FMNL2: variants seen among roughly 807,000 people sequenced by gnomAD.
The protein encoded by FMNL2 is formin like 2.
A neutral mutation model predicts 130.2 loss-of-function variants in FMNL2; 51 were observed. That is an observed-to-expected ratio of 0.39 (90% CI 0.31 to 0.49). The LOEUF is 0.49. Ranked by LOEUF, FMNL2 falls within the 20% of genes least tolerant of loss-of-function variation. FMNL2 has a pLI of 0.85. For missense variants in FMNL2, 977 were observed against 1,316.2 expected, an observed-to-expected ratio of 0.74 and a Z score of 3.99; for synonymous variants, 465 against 467.1, an observed-to-expected ratio of 1.00 and a Z score of 0.06.
intron 4 of FMNL2, among the ~76,000 whole-genome samples, chr2:152,551,994 T>A (rs1326965012): frequency 1.3e-5 from 2 of 152,234 alleles, no homozygotes; most frequent in Admixed American, 6.5e-5. Context: ...TGAGACCCTG[T>A]CTCTAAAAAT....
rs192095987 is a variant in FMNL2 at position 152,385,481 on chromosome 2, G to A, written c.117+49761G>A. Among the ~76,000 whole-genome samples, 993 of 152,314 alleles carry A rather than the reference G, an allele frequency of 6.5e-3. 9 individuals are homozygous for A. The highest frequency in any genetic ancestry group is 9.1e-3 in the Non-Finnish European group (616 of 68,026). On this transcript the variant is annotated intron_variant, in intron 1 of 25. Transcript: ENST00000288670. Reference sequence around the variant, plus strand: ...TAGGAGGACCTTGCTGAGATCTATGGTGGTGGTTTAAACTGTGCCGTGATT... The same window carrying A: ...TAGGAGGACCTTGCTGAGATCTATGATGGTGGTTTAAACTGTGCCGTGATT...
At position 152,625,637 on chromosome 2, in the gene FMNL2, G is replaced by A. The variant is rs931649287; in HGVS notation, c.1962+75G>A. ...CCGGCATGGGTGTTCTGTTAACCTG[G>A]AAGTGTCAGAGATAAAGTACTAGTG... On this transcript the variant is annotated intron_variant, in intron 16 of 25. Transcript: ENST00000288670. The A allele has an allele frequency of 6.0e-6, 9 of 1,506,634 alleles. No individual in the cohort carries two copies. In the South Asian group the frequency reaches 1.1e-4, roughly 19 times the overall value. 93.3% of individuals were successfully genotyped at this position (1,506,634 alleles called of 1,614,324 possible).
chr2:152,511,681 G>A (rs993607972), intron 1 of FMNL2, among the ~76,000 whole-genome samples: 3 of 152,062 alleles, frequency 2.0e-5, no homozygotes, highest in African/African-American at 4.8e-5. Context: ...TTCAGTAATC[G>A]TTTCCAGAGT....
intron 1 of FMNL2, among the ~76,000 whole-genome samples, chr2:152,402,042 G>A (rs1685728697): frequency 6.6e-6 from 1 of 151,740 alleles, no homozygotes; most frequent in African/African-American, 2.4e-5. Context: ...TGAGTAGCTG[G>A]GACTACAGGC....
intron 1 of FMNL2, among the ~76,000 whole-genome samples, chr2:152,360,440 C>T (rs1683096473): frequency 6.6e-6 from 1 of 152,056 alleles, no homozygotes; most frequent in South Asian, 2.1e-4. Context: ...ATGTGGTCTT[C>T]CCACCTCCGC....
rs1054300052 is a variant in FMNL2, at chr2:152,619,439, G to A, written c.1628-70G>A. 2.6e-6 allele frequency: 4 copies of A among 1,544,212 alleles called. No homozygotes were observed. The African/African-American group carries it at 5.5e-5, about 21-fold the overall frequency. On this transcript the variant is annotated intron_variant, in intron 14 of 25. Coordinates refer to ENST00000288670, the MANE Select transcript of FMNL2 (RefSeq NM_052905.4). ...GTGTTGTTTTCAGATGGCTTTATAT[G>A]CACATGGCTTATTGCAGGAAAGCCA... is the stretch of plus-strand genomic sequence containing the variant.
chr2:152,468,189 G>A (rs762765630), intron 1 of FMNL2, among the ~76,000 whole-genome samples: 1 of 152,186 alleles, frequency 6.6e-6, no homozygotes, highest in Non-Finnish European at 1.5e-5. Flanking sequence ...TACAGCCCTT[G>A]AGGCCTTTGA....
chr2:152,648,277 G>A lies in FMNL2; in HGVS notation c.*372G>A, dbSNP rs1437919326. ...TGTAAATAACATCAATGCATCTGCT[G>A]TGGGTCCTTTGCTGAGATGTCTTCG... On this transcript the variant is annotated 3_prime_UTR_variant, in exon 26 of 26. Coordinates refer to ENST00000288670, the MANE Select transcript of FMNL2 (RefSeq NM_052905.4). 1 of 181,884 alleles carries A rather than the reference G, an allele frequency of 5.5e-6. No homozygotes were observed. Among genetic ancestry groups the A allele is most frequent in the Non-Finnish European group, 1.1e-5 (1 of 87,116 alleles). 11.3% of individuals were successfully genotyped at this position (181,884 alleles called of 1,614,324 possible). A position where few individuals can be genotyped will look rare whatever the true frequency, so the allele number is the denominator to read the frequency against.
chr2:152,640,461 A>T (rs1682986896), intron 24 of FMNL2, among the ~76,000 whole-genome samples: 1 of 152,198 alleles, frequency 6.6e-6, no homozygotes, highest in Non-Finnish European at 1.5e-5. Flanking sequence ...TTAGTAGGTA[A>T]AGAGCATAAA....
At chr2:152,405,468 C>G (rs1311812219) in intron 1 of FMNL2, among the ~76,000 whole-genome samples, 3 of 152,206 alleles carry the variant, frequency 2.0e-5, no homozygotes, top group African/African-American at 7.2e-5. Flanking sequence ...GTGCTTACCT[C>G]TGGAAAAACC....
intron 9 of FMNL2, among the ~76,000 whole-genome samples, chr2:152,582,586 A>G (rs929331963): frequency 6.6e-6 from 1 of 152,214 alleles, no homozygotes; most frequent in Non-Finnish European, 1.5e-5. Context: ...CTTTAAATTC[A>G]TATTCTGGCT....
At chr2:152,366,061 C>G (rs1054878094) in intron 1 of FMNL2, among the ~76,000 whole-genome samples, 1 of 152,090 alleles carries the variant, frequency 6.6e-6, no homozygotes, top group Non-Finnish European at 1.5e-5. Context: ...AGCCCTTGAT[C>G]TGTAGAATGA....
chr2:152,357,002 A>C (rs147140417), intron 1 of FMNL2, among the ~76,000 whole-genome samples: 20 of 148,714 alleles, frequency 1.3e-4, no homozygotes, highest in East Asian at 7.8e-4. Context: ...ATAAATATTA[A>C]ATAAGTTTAA....
At chr2:152,590,743 T>G (rs1293507128) in intron 9 of FMNL2, among the ~76,000 whole-genome samples, 1 of 151,952 alleles carries the variant, frequency 6.6e-6, no homozygotes, top group Non-Finnish European at 1.5e-5. Context: ...TGTGTATGCA[T>G]GTTTGTCTGT....
intron 1 of FMNL2, among the ~76,000 whole-genome samples, chr2:152,498,056 C>T (rs1174464197): frequency 6.6e-6 from 1 of 152,140 alleles, no homozygotes; most frequent in Non-Finnish European, 1.5e-5. Flanking sequence ...AAAGGGTATA[C>T]TTCTTAAGGT....
At chr2:152,462,684 A>G (rs546456921) in intron 1 of FMNL2, among the ~76,000 whole-genome samples, 1 of 152,334 alleles carries the variant, frequency 6.6e-6, no homozygotes, top group South Asian at 2.1e-4. Context: ...CTCTTAATTG[A>G]TCATACCCTG....
chr2:152,380,370 T>C (rs1684394569), intron 1 of FMNL2, among the ~76,000 whole-genome samples: 1 of 152,230 alleles, frequency 6.6e-6, no homozygotes, highest in Non-Finnish European at 1.5e-5. Context: ...GAAAATACCT[T>C]CAAATGATTT....
chr2:152,558,639 A>G (rs1695355593), intron 4 of FMNL2, 101 bp from the exon 5 acceptor site: 7 of 1,059,650 alleles, frequency 6.6e-6, no homozygotes, highest in South Asian at 5.7e-5. Flanking sequence ...TCAGGCAATG[A>G]AAGTTTCTGG....
intron 1 of FMNL2, among the ~76,000 whole-genome samples, chr2:152,338,895 T>C (rs569462172): frequency 1.3e-5 from 2 of 151,838 alleles, no homozygotes; most frequent in African/African-American, 2.4e-5. Flanking sequence ...GCAATGTTTC[T>C]GTTATACTCT....
Sources: allele counts gnomAD v4.1 joint callset (sites outside exome capture counted in the v4.1 genomes callset), GRCh38; gene constraint gnomAD v4.1.1; transcripts MANE v1.5; gene names NCBI Gene and HGNC (gene_info 2026-07-23, HGNC 2026-07-21).